The following EFCAB12 variants were observed in gnomAD, a reference collection of about 807,000 sequenced individuals.
The protein encoded by EFCAB12 is EF-hand calcium binding domain 12.
A neutral mutation model predicts 53.6 loss-of-function variants in EFCAB12; 43 were observed. The ratio of observed to expected loss-of-function variants is 0.80; its 90% CI spans 0.63 to 1.03. The LOEUF (loss-of-function observed/expected upper bound fraction) is 1.03. Among genes scored for constraint, EFCAB12 ranks in the 50% least tolerant of loss-of-function variants. The probability of loss-of-function intolerance (pLI) is 0.00; values close to 1 mark genes in which losing one functional copy is unlikely to be tolerated. For synonymous variants in EFCAB12, 269 were observed against 289.2 expected (o/e 0.93, Z 0.71); for missense variants, 646 against 730.6 (o/e 0.88, Z 1.34).
intron 2 of EFCAB12, among the ~76,000 whole-genome samples, chr3:129,419,750 A>G (rs1033562905): frequency 5.3e-5 from 8 of 152,200 alleles, no homozygotes; most frequent in African/African-American, 1.9e-4. Context: ...CTGTGAGCCA[A>G]AAAAAACTCT....
At chr3:129,415,985 G>C (rs2072110360) in intron 3 of EFCAB12, among the ~76,000 whole-genome samples, 1 of 152,224 alleles carries the variant, frequency 6.6e-6, no homozygotes, top group Non-Finnish European at 1.5e-5. Flanking sequence ...AATAGTCATT[G>C]TTCACTGAAC....
intron 1 of EFCAB12, among the ~76,000 whole-genome samples, chr3:129,423,321 G>A (rs9852194): frequency 0.064 from 9,754 of 152,240 alleles, 949 homozygotes; most frequent in East Asian, 0.44. Context: ...TAACAGTTTG[G>A]AAGTGTTCTA....
In EFCAB12 at chr3:129,428,583, G is replaced by A. The variant is rs757297766; in HGVS notation, c.-95C>T. 4.2e-6 allele frequency: 6 copies of A among 1,445,462 alleles called. No homozygotes were observed. The highest frequency in any genetic ancestry group is 5.6e-6 in the Non-Finnish European group (6 of 1,063,640). 89.5% of individuals were successfully genotyped at this position (1,445,462 alleles called of 1,614,324 possible). On this transcript the variant is annotated 5_prime_UTR_variant, in exon 1 of 9. It adds an upstream start codon to the 5' untranslated region. Coordinates refer to ENST00000505956, the MANE Select transcript of EFCAB12 (RefSeq NM_207307.3). ...GGGGTACCGGGGTATCAGATAAACC[G>A]TAACTCCAAGTCGTGCGAAAGGCGC...
Position 129,428,433 on chromosome 3 carries a change from G to A in EFCAB12, c.49+7C>T. The A allele has an allele frequency of 6.2e-7, 1 of 1,605,890 alleles. No homozygotes were observed. The highest frequency in any genetic ancestry group is 1.7e-5 in the Admixed American group (1 of 58,840). On this transcript the variant is annotated splice_region_variant and intron_variant, in intron 1 of 8. Coordinates refer to ENST00000505956, the MANE Select transcript of EFCAB12 (RefSeq NM_207307.3). The stretch of plus-strand genomic sequence containing the variant: ...GCTCCCTGCAGACGCTTCTTCCCGG[G>A]GCTTACCGAGCAGCGACAAGAACAG...
At chr3:129,414,969 G>C (rs1381108798) in intron 4 of EFCAB12, 1 of 296,284 alleles carries the variant, frequency 3.4e-6, no homozygotes, top group Non-Finnish European at 6.1e-6. Context: ...CAGCCTCTCA[G>C]GTGGGCTCTG....
Position 129,421,450 on chromosome 3 carries a change from A to C in EFCAB12, c.403T>G (p.Ser135Ala). The change falls in exon 2 of 9, where the codon TCA (serine) becomes GCA (alanine). Residue 135 changes from serine to alanine, a missense_variant. Transcript: ENST00000505956. ...ATCATGTGTAAGACCTTGGCCTCTGAAGGCGTGATGCTGGGCTTGTTCTCC... is the reference window on the plus strand; with the variant it reads ...ATCATGTGTAAGACCTTGGCCTCTGCAGGCGTGATGCTGGGCTTGTTCTCC... ...WLENKPSITP[S>A]EAKVLHMIHE... 6.2e-7 allele frequency: 1 copy of C among 1,614,018 alleles called. No individual in the cohort carries two copies. The highest frequency in any genetic ancestry group is 8.5e-7 in the Non-Finnish European group (1 of 1,179,894).
Position 129,419,800 on chromosome 3 carries a change from C to T in EFCAB12, c.487-1352G>A, listed in dbSNP as rs577180567. On this transcript the variant is annotated intron_variant, in intron 2 of 8. Transcript: ENST00000505956. ...TTACCCAGCATCATGTCTTCTGTGA[C>T]AGCAAGAGAGGCCAGGCTAAGACAC... Among the ~76,000 whole-genome samples, 12 of 152,366 alleles carry T rather than the reference C, an allele frequency of 7.9e-5. No individual in the cohort carries two copies. In the South Asian group the frequency reaches 2.5e-3, roughly 32 times the overall value.
At chr3:129,408,967 A>G in intron 5 of EFCAB12, 109 bp from the exon 6 acceptor site, 1 of 1,242,004 alleles carries the variant, frequency 8.1e-7, no homozygotes, top group Middle Eastern at 2.7e-4. Flanking sequence ...CGAGGTCCCC[A>G]TGAGGGGTGA....
intron 1 of EFCAB12, among the ~76,000 whole-genome samples, chr3:129,424,338 G>A (rs1486650224): frequency 2.0e-5 from 3 of 152,212 alleles, no homozygotes; most frequent in Non-Finnish European, 2.9e-5. Flanking sequence ...GAGGGGTCTA[G>A]TGGGAGGTGA....
intron 1 of EFCAB12, 88 bp from the exon 2 acceptor site, chr3:129,421,891 G>C (rs2072194364): frequency 1.5e-6 from 2 of 1,310,374 alleles, no homozygotes; most frequent in South Asian, 3.0e-5. Flanking sequence ...CTCCAGGCTG[G>C]GCAACAGGGC....
At chr3:129,418,523 T>A in intron 2 of EFCAB12, 75 bp from the exon 3 acceptor site, 1 of 1,381,164 alleles carries the variant, frequency 7.2e-7, no homozygotes, top group Non-Finnish European at 9.7e-7. Context: ...TCCCCAGAGT[T>A]AGGGACTAAG....
chr3:129,423,130 T>A (rs2072210198), intron 1 of EFCAB12, among the ~76,000 whole-genome samples: 2 of 152,210 alleles, frequency 1.3e-5, no homozygotes, highest in Admixed American at 1.3e-4. Flanking sequence ...ACTCAGTTGA[T>A]TAGTAGCAGA....
chr3:129,415,471 T>C, intron 3 of EFCAB12, 70 bp from the exon 4 acceptor site: 2 of 1,581,588 alleles, frequency 1.3e-6, no homozygotes. Context: ...GCCAAGGCCT[T>C]ACCAGCCTCC....
intron 7 of EFCAB12, 101 bp downstream of exon 7, chr3:129,404,149 C>T (rs2071913797): frequency 1.3e-6 from 2 of 1,486,418 alleles, no homozygotes; most frequent in Non-Finnish European, 1.8e-6. Flanking sequence ...GACGCAAGCA[C>T]AGCATGGCGC....
At chr3:129,426,846 T>C (rs1167782407) in intron 1 of EFCAB12, among the ~76,000 whole-genome samples, 1 of 83,846 alleles carries the variant, frequency 1.2e-5, no homozygotes, top group African/African-American at 6.9e-5. Flanking sequence ...CTAGCTAACC[T>C]TTTTTTTTTT....
Position 129,411,314 on chromosome 3 carries a change from C to T in EFCAB12, c.879G>A (p.Pro293=), listed in dbSNP as rs753572468. The T allele has an allele frequency of 8.7e-6, 14 of 1,605,454 alleles. No homozygotes were observed. Among genetic ancestry groups the T allele is most frequent in the Admixed American group, 8.4e-5 (5 of 59,266 alleles). ...CTGAATCCACCTCCTGCTTCTTGAG[C>T]GGACCCTTCAGGGAATCTCTGTGCT... ...LAKHRDSLKG[P]LKKQEVDSAP... is the part of the protein sequence containing the mutation. Residue 293 remains proline, a synonymous_variant, in exon 5 of 9, where the codon CCG becomes CCA. Transcript: ENST00000505956.
chr3:129,413,975 C>CAGCT (rs1484040452), intron 4 of EFCAB12: 1 of 152,180 alleles, frequency 6.6e-6, no homozygotes, highest in African/African-American at 2.4e-5. Flanking sequence ...GACTCACAGC[C>CAGCT]AGCTACACAG....
At chr3:129,422,692 C>A (rs1320608694) in intron 1 of EFCAB12, among the ~76,000 whole-genome samples, 2 of 152,166 alleles carry the variant, frequency 1.3e-5, no homozygotes, top group Non-Finnish European at 2.9e-5. Flanking sequence ...AAACTGGTGG[C>A]CCTCATGCTG....
At chr3:129,416,618 A>G (rs1056058754) in intron 3 of EFCAB12, among the ~76,000 whole-genome samples, 9 of 151,972 alleles carry the variant, frequency 5.9e-5, no homozygotes, top group Admixed American at 5.9e-4. Flanking sequence ...ATCACAGTCA[A>G]CTCCCTAAAG....
Sources: allele counts gnomAD v4.1 joint callset (sites outside exome capture counted in the v4.1 genomes callset), GRCh38; gene constraint gnomAD v4.1.1; transcripts MANE v1.5; gene names NCBI Gene and HGNC (gene_info 2026-07-23, HGNC 2026-07-21).